The following SLC7A9 variants were observed in gnomAD, a reference collection of about 807,000 sequenced individuals.
The protein encoded by SLC7A9 is B(0,+)-type amino acid transporter 1.
A neutral mutation model predicts 54.1 loss-of-function variants in SLC7A9; 38 were observed. The ratio of observed to expected loss-of-function variants is 0.70; its 90% CI spans 0.54 to 0.92. SLC7A9 has a LOEUF of 0.92. Ranked by LOEUF, SLC7A9 falls within the 40% of genes least tolerant of loss-of-function variation. The pLI, the probability that SLC7A9 is intolerant of heterozygous loss-of-function variation, is 0.00. For synonymous variants in SLC7A9, 264 were observed against 258.9 expected (o/e 1.02, Z -0.19); for missense variants, 537 against 636.1 (o/e 0.84, Z 1.68).
At chr19:32,847,944 T>C (rs1451928703) in intron 9 of SLC7A9, among the ~76,000 whole-genome samples, 1 of 152,114 alleles carries the variant, frequency 6.6e-6, no homozygotes, top group Non-Finnish European at 1.5e-5. Context: ...CTAAGCTTCA[T>C]AAGTGAAGGA....
intron 10 of SLC7A9, among the ~76,000 whole-genome samples, chr19:32,843,278 G>A (rs2145811123): frequency 6.6e-6 from 1 of 152,080 alleles, no homozygotes. Context: ...CCAGCATGGT[G>A]AAACCCCATC....
chr19:32,856,886 C>T (rs1968644062), intron 9 of SLC7A9, among the ~76,000 whole-genome samples: 1 of 152,112 alleles, frequency 6.6e-6, no homozygotes, highest in South Asian at 2.1e-4. Context: ...GGTGTGGTGG[C>T]TCACACCTGT....
In SLC7A9 at chr19:32,868,539, C is replaced by T; in HGVS notation, c.-5G>A. Reference sequence around the variant, plus strand: ...TCTCAGGCCAGTATCCCCCATGTTTCCTCCTGCTGGTTCCAGGAGACTGCA... The same window carrying T: ...TCTCAGGCCAGTATCCCCCATGTTTTCTCCTGCTGGTTCCAGGAGACTGCA... On this transcript the variant is annotated 5_prime_UTR_variant, in exon 2 of 13. Transcript: ENST00000023064. 6.2e-7 allele frequency: 1 copy of T among 1,613,374 alleles called. No homozygotes were observed. Among genetic ancestry groups the T allele is most frequent in the South Asian group, 1.1e-5 (1 of 91,068 alleles).
intron 9 of SLC7A9, among the ~76,000 whole-genome samples, chr19:32,845,035 G>C (rs1224102862): frequency 1.3e-5 from 2 of 150,528 alleles, no homozygotes; most frequent in Non-Finnish European, 3.0e-5. Context: ...ATGGTGGTGG[G>C]CGCCTGTACT....
intron 4 of SLC7A9, 38 bp downstream of exon 4, chr19:32,864,058 G>A: frequency 6.2e-7 from 1 of 1,613,048 alleles, no homozygotes; most frequent in Non-Finnish European, 8.5e-7. Flanking sequence ...CTCTGTGCCA[G>A]GTCTTTTCTG....
chr19:32,864,395 A>G lies in SLC7A9; in HGVS notation c.236-57T>C. The G allele has an allele frequency of 4.4e-6, 7 of 1,609,024 alleles. No individual in the cohort carries two copies. In the South Asian group the frequency reaches 6.6e-5, roughly 15 times the overall value. On this transcript the variant is annotated intron_variant, in intron 3 of 12. Transcript: ENST00000023064. ...CCTTGTGAGGCACTGCCCCGGCCCC[A>G]GGGAGCCTTCCTCCCACCGGAGGCT...
chr19:32,864,573 G>C (rs1968906762), intron 3 of SLC7A9, 56 bp downstream of exon 3: 7 of 1,605,008 alleles, frequency 4.4e-6, no homozygotes, highest in Non-Finnish European at 5.9e-6. Flanking sequence ...GGTAGCAGCT[G>C]CCTGGCGTGC....
chr19:32,854,769 G>A (rs1968568908), intron 9 of SLC7A9, among the ~76,000 whole-genome samples: 1 of 152,092 alleles, frequency 6.6e-6, no homozygotes, highest in Middle Eastern at 3.2e-3. Flanking sequence ...TGTATTTTTA[G>A]TAGAGACAGG....
intron 11 of SLC7A9, among the ~76,000 whole-genome samples, chr19:32,837,628 CA>C (rs2145801688): frequency 6.6e-6 from 1 of 151,560 alleles, no homozygotes; most frequent in African/African-American, 2.4e-5. Context: ...TTTTGGTGAC[CA>C]AACAGTTAAC....
intron 12 of SLC7A9, among the ~76,000 whole-genome samples, chr19:32,831,137 G>A (rs1219889506): frequency 2.7e-5 from 4 of 150,676 alleles, no homozygotes; most frequent in Non-Finnish European, 5.9e-5. Context: ...GGCGGATCAC[G>A]AGGTCAGGAG....
chr19:32,850,903 G>C (rs1281223330), intron 9 of SLC7A9, among the ~76,000 whole-genome samples: 1 of 152,092 alleles, frequency 6.6e-6, no homozygotes, highest in Non-Finnish European at 1.5e-5. Flanking sequence ...TGACAAACCT[G>C]ACAAAAACAA....
At chr19:32,844,132 T>C (rs1370509854) in intron 9 of SLC7A9, among the ~76,000 whole-genome samples, 181 bp from the exon 10 acceptor site, 3 of 151,562 alleles carry the variant, frequency 2.0e-5, no homozygotes, top group Admixed American at 6.6e-5. Context: ...TTTGGCAGAG[T>C]GAGTGAGGAG....
intron 9 of SLC7A9, among the ~76,000 whole-genome samples, chr19:32,851,734 T>C (rs1968473206): frequency 1.3e-5 from 2 of 152,164 alleles, no homozygotes; most frequent in African/African-American, 4.8e-5. Context: ...ATGTTTATTG[T>C]GGCACTATTC....
chr19:32,832,531 T>A (rs77722123), intron 12 of SLC7A9, among the ~76,000 whole-genome samples: 2,095 of 144,326 alleles, frequency 0.015, 44 homozygotes, highest in African/African-American at 0.048. Flanking sequence ...GGTTGCACAG[T>A]GAGCTGAGAC....
chr19:32,836,191 G>A, intron 11 of SLC7A9, among the ~76,000 whole-genome samples: 1 of 152,082 alleles, frequency 6.6e-6, no homozygotes, highest in Admixed American at 6.6e-5. Flanking sequence ...GGGATTACAG[G>A]TGTGAGCCAC....
chr19:32,868,499 A>T lies in SLC7A9; in HGVS notation c.36T>A (p.Asp12Glu), dbSNP rs531910230. Reference sequence around the variant, plus strand: ...GCTCTTGGCTCTGGATCGACTTCTCATCCTCTCTCCGCTTTCTCAGGCCAG... The same window carrying T: ...GCTCTTGGCTCTGGATCGACTTCTCTTCCTCTCTCCGCTTTCTCAGGCCAG... ...GDTGLRKRRE[D>E]EKSIQSQEPK... The change falls in exon 2 of 13, where the codon GAT (aspartate) becomes GAA (glutamate). Residue 12 changes from aspartate to glutamate, a missense_variant. Physicochemically the swap from Asp to Glu is conservative, Grantham distance 45 (BLOSUM62 2). Coordinates refer to ENST00000023064, the MANE Select transcript of SLC7A9 (RefSeq NM_014270.5). 1 of 1,613,672 alleles carries T rather than the reference A, an allele frequency of 6.2e-7. No individual in the cohort carries two copies. The highest frequency in any genetic ancestry group is 2.2e-5 in the East Asian group (1 of 44,856).
Position 32,858,557 on chromosome 19 carries a change from C to G in SLC7A9, c.874-14G>C. The G allele has an allele frequency of 6.3e-7, 1 of 1,592,732 alleles. No homozygotes were observed. The highest frequency in any genetic ancestry group is 1.7e-5 in the Admixed American group (1 of 59,598). On this transcript the variant is annotated splice_polypyrimidine_tract_variant and intron_variant, in intron 8 of 12. Coordinates refer to ENST00000023064, the MANE Select transcript of SLC7A9 (RefSeq NM_014270.5). The stretch of plus-strand genomic sequence containing the variant: ...GTCACCAAATGTCTGGTGAGAGAAG[C>G]GAGATGAGTCCTGAGGGTCTTTCTT...
At chr19:32,842,830 T>TA (rs530831248) in intron 10 of SLC7A9, among the ~76,000 whole-genome samples, 60 of 152,108 alleles carry the variant, frequency 3.9e-4, no homozygotes, top group Middle Eastern at 3.4e-3. Flanking sequence ...GTTTTAATGG[T>TA]AAAAAACCGC....
intron 9 of SLC7A9, among the ~76,000 whole-genome samples, chr19:32,857,035 C>T (rs1054381144): frequency 7.2e-5 from 11 of 152,056 alleles, no homozygotes; most frequent in Non-Finnish European, 1.2e-4. Context: ...CCTGTAATCC[C>T]AGCTACTCCA....
Sources: allele counts gnomAD v4.1 joint callset (sites outside exome capture counted in the v4.1 genomes callset), GRCh38; gene constraint gnomAD v4.1.1; transcripts MANE v1.5; gene names NCBI Gene and HGNC (gene_info 2026-07-23, HGNC 2026-07-21).